CACNB4: variants seen among roughly 807,000 people sequenced by gnomAD.
The protein encoded by CACNB4 is calcium voltage-gated channel auxiliary subunit beta 4.
CACNB4 carries 32 observed loss-of-function variants against 71.2 expected under a neutral mutation model. The ratio of observed to expected loss-of-function variants is 0.45; its 90% confidence interval spans 0.34 to 0.60. CACNB4 has a LOEUF of 0.60. Ranked by LOEUF, CACNB4 falls within the 20% of genes least tolerant of loss-of-function variation. CACNB4 has a pLI of 0.01. For missense variants in CACNB4, 464 were observed against 647.9 expected (o/e 0.72, Z 3.08); for synonymous variants, 231 against 236.9 (o/e 0.97, Z 0.23).
At chr2:151,906,730 T>G (rs1352063636) in intron 2 of CACNB4, among the ~76,000 whole-genome samples, 1 of 152,170 alleles carries the variant, frequency 6.6e-6, no homozygotes, top group African/African-American at 2.4e-5. Context: ...TTGTCTTTTG[T>G]CCAGCTTCAT....
intron 2 of CACNB4, chr2:151,969,044 T>G (rs1394491964): frequency 2.6e-5 from 4 of 152,200 alleles, no homozygotes; most frequent in Non-Finnish European, 5.9e-5. Context: ...GAAAGCCCTG[T>G]TTGTCATTTA....
In CACNB4 at chr2:151,853,577, A is replaced by G. The variant is rs759615672; in HGVS notation, c.1021-34T>C. On this transcript the variant is annotated intron_variant, in intron 11 of 13. Transcript: ENST00000539935. Reference sequence around the variant, plus strand: ...AGAAGACATGAACCTGAGGTATTGTAGATGAGTTGAAAGAAAATCAAATAA... The same window carrying G: ...AGAAGACATGAACCTGAGGTATTGTGGATGAGTTGAAAGAAAATCAAATAA... The G allele has an allele frequency of 4.9e-6, 6 of 1,228,060 alleles. No individual in the cohort carries two copies. In the South Asian group the frequency reaches 8.2e-5, roughly 17 times the overall value. 76.1% of individuals were successfully genotyped at this position (1,228,060 alleles called of 1,614,324 possible).
chr2:152,010,821 A>G (rs1039871144), intron 2 of CACNB4, among the ~76,000 whole-genome samples: 2 of 152,128 alleles, frequency 1.3e-5, no homozygotes, highest in African/African-American at 4.8e-5. Context: ...CCAGCCCAGC[A>G]CTGTATAGGG....
At chr2:151,931,983 C>A (rs973920675) in intron 2 of CACNB4, among the ~76,000 whole-genome samples, 1 of 151,876 alleles carries the variant, frequency 6.6e-6, no homozygotes, top group African/African-American at 2.4e-5. Flanking sequence ...AAATAAACAA[C>A]CAAAAATATG....
At chr2:152,004,405 C>T (rs1339719095) in intron 2 of CACNB4, among the ~76,000 whole-genome samples, 1 of 152,122 alleles carries the variant, frequency 6.6e-6, no homozygotes, top group East Asian at 1.9e-4. Flanking sequence ...ATTGGTCACA[C>T]TTCTGCCCTG....
At chr2:152,056,006 G>A (rs1685703430) in intron 2 of CACNB4, among the ~76,000 whole-genome samples, 1 of 152,060 alleles carries the variant, frequency 6.6e-6, no homozygotes, top group African/African-American at 2.4e-5. Context: ...AAGCCAGAAG[G>A]ACCATATTTA....
chr2:151,840,163 A>G (rs1000683973), intron 13 of CACNB4, among the ~76,000 whole-genome samples: 1 of 152,244 alleles, frequency 6.6e-6, no homozygotes, highest in Non-Finnish European at 1.5e-5. Context: ...GGTAGGTCAC[A>G]TCAGTTAAGG....
At chr2:151,982,618 G>C (rs1161431511) in intron 2 of CACNB4, among the ~76,000 whole-genome samples, 2 of 145,836 alleles carry the variant, frequency 1.4e-5, no homozygotes, top group Non-Finnish European at 3.0e-5. Flanking sequence ...GGACGACAGA[G>C]CGAGACTCCG....
At chr2:151,860,849 G>A (rs745890730) in intron 9 of CACNB4, 29 bp from the exon 10 acceptor site, 3 of 1,472,338 alleles carry the variant, frequency 2.0e-6, no homozygotes, top group Non-Finnish European at 2.9e-6. Flanking sequence ...AACAGAACAA[G>A]CCAGTAAAAA....
intron 2 of CACNB4, among the ~76,000 whole-genome samples, chr2:151,918,606 A>G (rs780129761): frequency 2.0e-5 from 3 of 152,198 alleles, no homozygotes; most frequent in African/African-American, 4.8e-5. Flanking sequence ...CTGACCCTAT[A>G]AATAGTAGAG....
intron 10 of CACNB4, 128 bp from the exon 11 acceptor site, chr2:151,855,503 C>A: frequency 1.4e-6 from 1 of 693,842 alleles, no homozygotes; most frequent in South Asian, 3.4e-5. Flanking sequence ...TTTTCATAGT[C>A]CTGTCTAATT....
intron 2 of CACNB4, among the ~76,000 whole-genome samples, chr2:152,095,593 T>C (rs1295678433): frequency 1.3e-5 from 2 of 152,170 alleles, no homozygotes; most frequent in African/African-American, 4.8e-5. Flanking sequence ...ATCACTCCAA[T>C]GTATCAAGAA....
intron 2 of CACNB4, among the ~76,000 whole-genome samples, chr2:151,976,604 CTG>C (rs1157225945): frequency 6.6e-6 from 1 of 152,228 alleles, no homozygotes; most frequent in African/African-American, 2.4e-5. Flanking sequence ...AGCACCACAC[CTG>C]TGAGTCACCT....
chr2:151,953,570 G>T (rs1040884643), intron 2 of CACNB4, among the ~76,000 whole-genome samples: 2 of 152,214 alleles, frequency 1.3e-5, no homozygotes, highest in African/African-American at 4.8e-5. Flanking sequence ...TTAAGGGAAA[G>T]AATTTGTGTG....
At chr2:152,038,358 G>C (rs1684702456) in intron 2 of CACNB4, among the ~76,000 whole-genome samples, 1 of 152,186 alleles carries the variant, frequency 6.6e-6, no homozygotes, top group African/African-American at 2.4e-5. Context: ...TTGGCCTAAT[G>C]AGCCAAATTC....
At chr2:151,891,442 G>C (rs574186404) in intron 2 of CACNB4, among the ~76,000 whole-genome samples, 1 of 152,204 alleles carries the variant, frequency 6.6e-6, no homozygotes, top group Non-Finnish European at 1.5e-5. Context: ...GTAGCAAGAG[G>C]GTAGATTCCT....
intron 2 of CACNB4, among the ~76,000 whole-genome samples, chr2:151,943,053 T>C (rs1293714052): frequency 6.6e-6 from 1 of 152,078 alleles, no homozygotes. Context: ...CTTTGAAGCA[T>C]GAGATCTTTG....
At chr2:151,847,099 CAA>C (rs397766580) in intron 12 of CACNB4, among the ~76,000 whole-genome samples, 44 of 79,762 alleles carry the variant, frequency 5.5e-4, no homozygotes, top group Admixed American at 4.5e-4. Flanking sequence ...AAACTGACAC[CAA>C]AAAAAAAAAA....
intron 2 of CACNB4, among the ~76,000 whole-genome samples, chr2:151,930,908 T>G (rs1245452797): frequency 6.6e-6 from 1 of 152,136 alleles, no homozygotes; most frequent in African/African-American, 2.4e-5. Context: ...TAATACATCA[T>G]GAAGATAGGA....
Sources: gnomAD v4.1 joint callset for allele counts (sites outside exome capture counted in the v4.1 genomes callset) on GRCh38, gnomAD v4.1.1 for gene constraint, MANE v1.5 for transcripts, NCBI Gene and HGNC (gene_info 2026-07-23, HGNC 2026-07-21) for gene names.